The following DSE variants were observed in gnomAD, a reference collection of about 807,000 sequenced individuals.
DSE encodes dermatan-sulfate epimerase.
A neutral mutation model predicts 84.4 loss-of-function variants in DSE; 36 were observed. That is an observed-to-expected ratio of 0.43 (90% CI 0.33 to 0.56). DSE has a LOEUF of 0.56. Among genes scored for constraint, DSE ranks in the 20% least tolerant of loss-of-function variants. The pLI is 0.06. For missense variants in DSE, 862 were observed against 1,169.6 expected, an observed-to-expected ratio of 0.74 and a Z score of 3.84; for synonymous variants, 410 against 430.1, an observed-to-expected ratio of 0.95 and a Z score of 0.58.
chr6:116,375,533 A>G (rs1449614081), intron 1 of DSE: 1 of 985,114 alleles, frequency 1.0e-6, no homozygotes, highest in Non-Finnish European at 1.2e-6. Flanking sequence ...TGGTAAATAA[A>G]TGTATCCCAA....
chr6:116,407,132 C>T (rs191496810), intron 2 of DSE, among the ~76,000 whole-genome samples: 3 of 152,280 alleles, frequency 2.0e-5, no homozygotes, highest in Non-Finnish European at 2.9e-5. Flanking sequence ...AGACAGATTC[C>T]TGGGTTTCGC....
intron 2 of DSE, among the ~76,000 whole-genome samples, chr6:116,365,107 G>A (rs1779090277): frequency 6.6e-6 from 1 of 152,032 alleles, no homozygotes; most frequent in Non-Finnish European, 1.5e-5. Flanking sequence ...CAAAGTGCTG[G>A]GATTACAGGT....
At chr6:116,331,773 A>G (rs9400903) in intron 2 of DSE, among the ~76,000 whole-genome samples, 43,107 of 152,028 alleles carry the variant, frequency 0.28, 6,960 homozygotes, top group East Asian at 0.65. Flanking sequence ...CATGGCCAAC[A>G]TGGTGAAACC....
chr6:116,337,035 A>G (rs181928799), intron 2 of DSE, among the ~76,000 whole-genome samples: 3 of 152,306 alleles, frequency 2.0e-5, no homozygotes, highest in East Asian at 1.9e-4. Context: ...TTTACATTTT[A>G]TCTCTTTTAA....
intron 2 of DSE, among the ~76,000 whole-genome samples, chr6:116,289,198 G>A (rs559772077): frequency 1.3e-5 from 2 of 151,992 alleles, no homozygotes; most frequent in Non-Finnish European, 2.9e-5. Flanking sequence ...TACTTGGTGG[G>A]ACAAACCCCT....
chr6:116,266,253 G>A (rs978882206), intron 2 of DSE, among the ~76,000 whole-genome samples: 1 of 152,166 alleles, frequency 6.6e-6, no homozygotes, highest in Non-Finnish European at 1.5e-5. Context: ...TGTGAACTTG[G>A]CTGTTAGTCT....
intron 2 of DSE, among the ~76,000 whole-genome samples, chr6:116,322,701 G>C (rs1258166911): frequency 6.6e-6 from 1 of 152,164 alleles, no homozygotes. Flanking sequence ...CTCAACCAGT[G>C]ATAAGATTTA....
At chr6:116,426,484 C>T in intron 2 of DSE, 90 bp from the exon 3 acceptor site, 14 of 1,505,084 alleles carry the variant, frequency 9.3e-6, no homozygotes, top group Non-Finnish European at 1.2e-5. Flanking sequence ...TTCAAGTGTG[C>T]CCTTTAGTTC....
chr6:116,385,731 G>T (rs746140451), intron 1 of DSE, among the ~76,000 whole-genome samples: 1 of 150,236 alleles, frequency 6.7e-6, no homozygotes. Context: ...TAATGCCAAA[G>T]AACTCAAAGG....
intron 2 of DSE, chr6:116,279,795 G>A (rs139957998): frequency 7.2e-5 from 116 of 1,612,842 alleles, no homozygotes; most frequent in Non-Finnish European, 8.9e-5. Flanking sequence ...GGGTTTGGAG[G>A]GGAGTGGTCC....
chr6:116,285,788 C>T (rs1773862612), intron 2 of DSE, among the ~76,000 whole-genome samples: 1 of 152,160 alleles, frequency 6.6e-6, no homozygotes, highest in Non-Finnish European at 1.5e-5. Flanking sequence ...ATCCTTTTCC[C>T]ATTTCTTGTT....
At chr6:116,389,701 CTT>C (rs1210309339) in intron 1 of DSE, among the ~76,000 whole-genome samples, 1 of 152,148 alleles carries the variant, frequency 6.6e-6, no homozygotes, top group African/African-American at 2.4e-5. Flanking sequence ...TATTCATCCT[CTT>C]TTCTATACTT....
intron 1 of DSE, chr6:116,256,086 A>G (rs1772131690): frequency 6.6e-6 from 1 of 152,238 alleles, no homozygotes; most frequent in African/African-American, 2.4e-5. Context: ...AGCACAGAGC[A>G]GTTAACATGC....
At chr6:116,378,008 A>T (rs1293687727) in intron 1 of DSE, among the ~76,000 whole-genome samples, 1 of 152,154 alleles carries the variant, frequency 6.6e-6, no homozygotes, top group African/African-American at 2.4e-5. Flanking sequence ...CCCCATGGGT[A>T]ATCAGACTTG....
intron 4 of DSE, 101 bp from the exon 5 acceptor site, chr6:116,433,242 C>A: frequency 8.7e-7 from 1 of 1,142,872 alleles, no homozygotes. Context: ...TTCCATTACA[C>A]AATTCTAATT....
intron 2 of DSE, among the ~76,000 whole-genome samples, chr6:116,265,933 T>G (rs1225134825): frequency 1.3e-5 from 2 of 152,120 alleles, no homozygotes. Context: ...CTTCTCTAAT[T>G]AGCTCTCTCT....
At chr6:116,268,092 C>T (rs1458936343) in intron 2 of DSE, among the ~76,000 whole-genome samples, 1 of 152,176 alleles carries the variant, frequency 6.6e-6, no homozygotes, top group Non-Finnish European at 1.5e-5. Flanking sequence ...GCTTACCACT[C>T]ACTCACTGAC....
In DSE at chr6:116,323,447, T is replaced by G. The variant is rs566438954; in HGVS notation, c.-54+64480T>G. Among the ~76,000 whole-genome samples the G allele has an allele frequency of 3.2e-3, 481 of 152,334 alleles. 2 individuals are homozygous for G. The highest frequency in any genetic ancestry group is 0.017 in the Middle Eastern group (5 of 294). On this transcript the variant is annotated intron_variant, in intron 2 of 3. Coordinates refer to the DSE transcript ENST00000430252. ...GCCAGAAAAATAAAAAACTTTTCAG[T>G]GGCAGCAAGGCAGATAATAATTACT... is the stretch of plus-strand genomic sequence containing the variant.
chr6:116,364,828 CTTTTTTTTT>C, intron 2 of DSE, among the ~76,000 whole-genome samples: 1 of 131,182 alleles, frequency 7.6e-6, no homozygotes, highest in African/African-American at 2.9e-5. Context: ...TTTAGTAACA[CTTTTTTTTT>C]TTTTTTTTTT....
Sources: gnomAD v4.1 joint callset for allele counts (sites outside exome capture counted in the v4.1 genomes callset) on GRCh38, gnomAD v4.1.1 for gene constraint, MANE v1.5 for transcripts, NCBI Gene and HGNC (gene_info 2026-07-23, HGNC 2026-07-21) for gene names.